The following JMJD1C variants were observed in gnomAD, a reference collection of about 807,000 sequenced individuals.
JMJD1C encodes the protein jumonji domain-containing protein 1C.
Under a neutral mutation model 245.3 loss-of-function variants are expected in JMJD1C, and 31 were observed. The observed-to-expected ratio is 0.13, with a 90% CI of 0.09 to 0.17. The LOEUF (loss-of-function observed/expected upper bound fraction) is 0.17. Among genes scored for constraint, JMJD1C ranks in the 10% least tolerant of loss-of-function variants. The pLI, the probability that JMJD1C is intolerant of heterozygous loss-of-function variation, is 1.00. For missense variants in JMJD1C, 2,691 were observed against 3,000.2 expected, an observed-to-expected ratio of 0.90 and a Z score of 2.41; for synonymous variants, 1,057 against 1,017.4, an observed-to-expected ratio of 1.04 and a Z score of -0.74.
In JMJD1C at chr10:63,276,877, C is replaced by T. The variant is rs529908324; in HGVS notation, c.334-12113G>A. Reference sequence around the variant, plus strand: ...TCTGAAGCTATGGAAGGAATAGAAGCTTGGGGCTTTTTTTTTTTTTTTTTT... The same window carrying T: ...TCTGAAGCTATGGAAGGAATAGAAGTTTGGGGCTTTTTTTTTTTTTTTTTT... On this transcript the variant is annotated intron_variant, in intron 2 of 25. Transcript: ENST00000399262. Among the ~76,000 whole-genome samples the T allele has an allele frequency of 5.9e-5, 6 of 101,962 alleles. No homozygotes were observed. The East Asian group carries it at 1.6e-3, about 27-fold the overall frequency. The allele number at this position is 101,962 out of a possible 152,430, so 66.9% of individuals were successfully genotyped here. A position where few individuals can be genotyped will look rare whatever the true frequency, so the allele number is the denominator to read the frequency against.
At chr10:63,206,451 G>A (rs1846631785) in intron 10 of JMJD1C, 144 bp downstream of exon 10, 1 of 537,078 alleles carries the variant, frequency 1.9e-6, no homozygotes. Flanking sequence ...GTAGAAATGA[G>A]ATCAATGAGC....
At chr10:63,495,593 G>A (rs1954334166) in intron 1 of JMJD1C, among the ~76,000 whole-genome samples, 1 of 151,950 alleles carries the variant, frequency 6.6e-6, no homozygotes. Context: ...CCAACATGGT[G>A]AAACCCCCGT....
intron 2 of JMJD1C, among the ~76,000 whole-genome samples, chr10:63,299,383 G>A (rs867166247): frequency 2.9e-5 from 4 of 139,564 alleles, no homozygotes; most frequent in Non-Finnish European, 4.6e-5. Flanking sequence ...GTAGAGATGA[G>A]GTTTCACCAT....
chr10:63,377,677 G>A (rs539242928), intron 2 of JMJD1C, among the ~76,000 whole-genome samples: 5 of 152,206 alleles, frequency 3.3e-5, no homozygotes, highest in African/African-American at 1.2e-4. Flanking sequence ...AGAGGTTGCA[G>A]TGAGACGAGA....
chr10:63,426,625 C>G (rs749944408), intron 1 of JMJD1C, among the ~76,000 whole-genome samples: 1 of 151,962 alleles, frequency 6.6e-6, no homozygotes, highest in African/African-American at 2.4e-5. Context: ...GAGCCAAGAT[C>G]GCGCCATTGC....
At chr10:63,298,780 T>C (rs1328410937) in intron 2 of JMJD1C, among the ~76,000 whole-genome samples, 1 of 152,192 alleles carries the variant, frequency 6.6e-6, no homozygotes, top group Non-Finnish European at 1.5e-5. Context: ...CCGCCCAGGC[T>C]GGAGTGCAAT....
At chr10:63,246,572 T>C (rs11813571) in intron 3 of JMJD1C, among the ~76,000 whole-genome samples, 3,280 of 152,040 alleles carry the variant, frequency 0.022, 116 homozygotes, top group African/African-American at 0.073. Flanking sequence ...ACCAGACTCA[T>C]CTTACAGGAA....
intron 2 of JMJD1C, among the ~76,000 whole-genome samples, chr10:63,348,079 G>C (rs1211088169): frequency 6.6e-6 from 1 of 152,022 alleles, no homozygotes; most frequent in African/African-American, 2.4e-5. Flanking sequence ...AGCCAGGTGT[G>C]GTGGCGCATG....
chr10:63,187,624 A>G (rs1296793605), intron 18 of JMJD1C, among the ~76,000 whole-genome samples: 1 of 152,124 alleles, frequency 6.6e-6, no homozygotes, highest in Non-Finnish European at 1.5e-5. Flanking sequence ...TTTGGTAGAA[A>G]CAGGGTCTCA....
intron 2 of JMJD1C, among the ~76,000 whole-genome samples, chr10:63,314,646 CTTTTA>C (rs1357424826): frequency 2.7e-5 from 4 of 146,976 alleles, no homozygotes; most frequent in Non-Finnish European, 4.5e-5. Flanking sequence ...TTTTTTTCAA[CTTTTA>C]TTTTATTTTA....
intron 3 of JMJD1C, chr10:63,222,819 A>G: frequency 6.9e-7 from 1 of 1,440,910 alleles, no homozygotes; most frequent in Non-Finnish European, 9.8e-7. Flanking sequence ...ATTGAGACAG[A>G]TGCACCTTGG....
intron 2 of JMJD1C, among the ~76,000 whole-genome samples, chr10:63,319,718 C>T (rs1342481460): frequency 6.6e-6 from 1 of 152,126 alleles, no homozygotes; most frequent in East Asian, 1.9e-4. Flanking sequence ...TTCCAATTAA[C>T]AATTTTGTTC....
At chr10:63,269,221 G>A (rs989430075) in intron 2 of JMJD1C, 37 of 985,230 alleles carry the variant, frequency 3.8e-5, no homozygotes, top group Non-Finnish European at 3.9e-5. Flanking sequence ...AAATGAGAAC[G>A]AGTACTTGGC....
chr10:63,209,233 A>T lies in JMJD1C; in HGVS notation c.2697T>A (p.Asn899Lys). 6.3e-7 allele frequency: 1 copy of T among 1,596,438 alleles called. No individual in the cohort carries two copies. The highest frequency in any genetic ancestry group is 8.5e-7 in the Non-Finnish European group (1 of 1,173,316). The change falls in exon 9 of 26, where the codon AAT (asparagine) becomes AAA (lysine). Residue 899 changes from asparagine to lysine, a missense_variant and splice_region_variant. Coordinates refer to ENST00000399262, the MANE Select transcript of JMJD1C (RefSeq NM_032776.3). ...GCTGATGTAGCCAAGGACTGGGAGA[A>T]TTCTATTAACAAAACAAAACAAAAA... is the stretch of plus-strand genomic sequence containing the variant. The part of the protein sequence containing the change: ...AVNAEASLRR[N>K]SPSPWLHQPT...
chr10:63,314,790 G>A (rs1271805933), intron 2 of JMJD1C, among the ~76,000 whole-genome samples: 1 of 151,974 alleles, frequency 6.6e-6, no homozygotes, highest in Non-Finnish European at 1.5e-5. Flanking sequence ...TGGGATTATA[G>A]GCATGCACCA....
At chr10:63,493,043 ATTTC>A (rs960235579) in intron 1 of JMJD1C, among the ~76,000 whole-genome samples, 2 of 152,150 alleles carry the variant, frequency 1.3e-5, no homozygotes, top group East Asian at 1.9e-4. Flanking sequence ...AATTGCCTGA[ATTTC>A]TTTCTTTCTT....
chr10:63,300,115 G>A (rs1023396718), intron 2 of JMJD1C, among the ~76,000 whole-genome samples: 1 of 152,118 alleles, frequency 6.6e-6, no homozygotes, highest in Admixed American at 6.6e-5. Context: ...GACTCCACTA[G>A]GCAGTTATTA....
intron 2 of JMJD1C, among the ~76,000 whole-genome samples, chr10:63,366,273 T>C (rs994713635): frequency 2.3e-4 from 35 of 152,184 alleles, no homozygotes; most frequent in African/African-American, 8.4e-4. Flanking sequence ...TTGACAATAT[T>C]CTGTGAGTAC....
chr10:63,484,224 GGATGGATGGATGGATA>G (rs1157017647), intron 1 of JMJD1C, among the ~76,000 whole-genome samples: 2 of 104,660 alleles, frequency 1.9e-5, no homozygotes, highest in African/African-American at 7.6e-5. Flanking sequence ...ATGGATGGAT[GGATGGATGGATGGATA>G]GATAGATAGA....
Sources: gnomAD v4.1 joint callset for allele counts (sites outside exome capture counted in the v4.1 genomes callset) on GRCh38, gnomAD v4.1.1 for gene constraint, MANE v1.5 for transcripts, NCBI Gene and HGNC (gene_info 2026-07-23, HGNC 2026-07-21) for gene names.